The following OVCH2 variants were observed in gnomAD, a reference collection of about 807,000 sequenced individuals.
OVCH2 encodes the protein ovochymase 2.
Under a neutral mutation model 73.7 loss-of-function variants are expected in OVCH2, and 88 were observed. That is an observed-to-expected ratio of 1.19 (90% CI 1.01 to 1.43). The LOEUF (loss-of-function observed/expected upper bound fraction) is 1.43, where lower values mean the gene tolerates loss of function less well. Among genes scored for constraint, OVCH2 ranks in the 40% most tolerant of loss-of-function variants. The pLI is 0.00. For synonymous variants in OVCH2, 265 were observed against 234.5 expected, an observed-to-expected ratio of 1.13 and a Z score of -1.19; for missense variants, 706 against 674.5, an observed-to-expected ratio of 1.05 and a Z score of -0.52.
chr11:7,700,991 G>A (rs1856427339), intron 6 of OVCH2, among the ~76,000 whole-genome samples: 1 of 152,160 alleles, frequency 6.6e-6, no homozygotes, highest in Non-Finnish European at 1.5e-5. Flanking sequence ...GCTAAAAACA[G>A]ATTGTTTCCA....
rs1156489296 is a variant in OVCH2, at chr11:7,703,764, T to A, written c.224A>T (p.His75Leu). ...WQVSLKQRQK[H>L]ICGGSIVSPQ... The stretch of plus-strand genomic sequence containing the variant: ...TGAGACGATGCTTCCTCCACAAATA[T>A]GCTTCTGCCTTTGTTTCAGAGATAC... Residue 75 changes from histidine to leucine, a missense_variant, in exon 3 of 16, where the codon CAT (histidine) becomes CTT (leucine). By Grantham distance (99) the His-to-Leu change is moderately conservative. Coordinates refer to ENST00000533663, the MANE Select transcript of OVCH2 (RefSeq NM_198185.7). The A allele has an allele frequency of 1.2e-6, 2 of 1,609,590 alleles. No homozygotes were observed. Among genetic ancestry groups the A allele is most frequent in the Non-Finnish European group, 8.5e-7 (1 of 1,177,920 alleles).
Position 7,700,327 on chromosome 11 carries a change from C to A in OVCH2, c.870G>T (p.Val290=), listed in dbSNP as rs568999903. 2.0e-5 allele frequency: 32 copies of A among 1,613,874 alleles called. No individual in the cohort carries two copies. The South Asian group carries it at 3.3e-4, about 17-fold the overall frequency. ...GGATGTGTTCGTGGATCCAGGGAAG[C>A]ACTTTACTAATGTCTGTGAAGATCC... ...SPGIFTDISK[V]LPWIHEHIQT... Residue 290 remains valine (V), a synonymous_variant, in exon 7 of 16, where the codon GTG becomes GTT. Transcript: ENST00000533663.
At position 7,696,590 on chromosome 11, in the gene OVCH2, C is replaced by T; in HGVS notation, c.1017-1G>A. 1 of 1,614,016 alleles carries T rather than the reference C, an allele frequency of 6.2e-7. No individual in the cohort carries two copies. The highest frequency in any genetic ancestry group is 1.3e-5 in the African/African-American group (1 of 75,060). Reference sequence around the variant, plus strand: ...TACCAGCAGGGTCCAGACACACCGTCTGTAGGCAGATCATGGAGAGGGCGT... The same window carrying T: ...TACCAGCAGGGTCCAGACACACCGTTTGTAGGCAGATCATGGAGAGGGCGT... On this transcript the variant is annotated splice_acceptor_variant, in intron 9 of 15. Transcript: ENST00000533663. LOFTEE classifies it high-confidence loss of function.
At chr11:7,692,094 T>C in intron 12 of OVCH2, 99 bp from the exon 13 acceptor site, 1 of 821,884 alleles carries the variant, frequency 1.2e-6, no homozygotes, top group African/African-American at 1.7e-5. Flanking sequence ...TGTTCTGGAG[T>C]AAGACCTTAG....
rs1437758276 is a variant in OVCH2, at chr11:7,702,256, G to A, written c.364C>T (p.Leu122Phe). The change falls in exon 4 of 16, where the codon CTC (leucine) becomes TTC (phenylalanine). Residue 122 changes from leucine (L) to phenylalanine (F), a missense_variant. Transcript: ENST00000533663. ...TGTATGATGACAGTTTCAATAGTGA[G>A]AGTTTGCTCTCCTGGGTCTGTCTGG... Reference protein sequence around the residue: ...LSQTDPGEQTLTIETVIIHPH... With the variant: ...LSQTDPGEQTFTIETVIIHPH... 1 of 1,612,698 alleles carries A rather than the reference G, an allele frequency of 6.2e-7. No individual in the cohort carries two copies. Among genetic ancestry groups the A allele is most frequent in the African/African-American group, 1.3e-5 (1 of 74,876 alleles).
chr11:7,686,954 G>A (rs917965730), downstream of OVCH2, among the ~76,000 whole-genome samples: 7 of 152,100 alleles, frequency 4.6e-5, no homozygotes, highest in African/African-American at 7.2e-5. Flanking sequence ...AGCAGGAATC[G>A]TTGCCCGCAT....
rs1177048541 is a variant in OVCH2 at position 7,706,316 on chromosome 11, G to C, written c.79C>G (p.Leu27Val). 1 of 1,586,608 alleles carries C rather than the reference G, an allele frequency of 6.3e-7. No individual in the cohort carries two copies. The highest frequency in any genetic ancestry group is 2.3e-5 in the East Asian group (1 of 44,284). Residue 27 changes from leucine to valine, a missense_variant, in exon 1 of 16, where the codon CTC (leucine) becomes GTC (valine). Physicochemically the swap from Leu to Val is conservative, Grantham distance 32 (BLOSUM62 1). Coordinates refer to ENST00000533663, the MANE Select transcript of OVCH2 (RefSeq NM_198185.7). ...FERGKSATLS[L>V]PKAPSCGQSL... Reference sequence around the variant, plus strand: ...TTCATTTGAAACTTACCTTTGGGGAGCGAAAGAGTTGCAGATTTACCTCGT... The same window carrying C: ...TTCATTTGAAACTTACCTTTGGGGACCGAAAGAGTTGCAGATTTACCTCGT...
rs928454325 is a variant in OVCH2 at position 7,689,871 on chromosome 11, T to C, written c.*31+53A>G. ...AAATCCATATCACCTGCTTCTCCGGTTGAACCCTGGATTATACTCTGTGTG... is the reference window on the plus strand; with the variant it reads ...AAATCCATATCACCTGCTTCTCCGGCTGAACCCTGGATTATACTCTGTGTG... On this transcript the variant is annotated intron_variant, in intron 15 of 15. Transcript: ENST00000533663. 3.6e-6 allele frequency: 4 copies of C among 1,126,356 alleles called. No individual in the cohort carries two copies. In the African/African-American group the frequency reaches 4.7e-5, roughly 13 times the overall value. The allele number at this position is 1,126,356 out of a possible 1,614,324, so 69.8% of individuals were successfully genotyped here. A position where few individuals can be genotyped will look rare whatever the true frequency, so the allele number is the denominator to read the frequency against.
At chr11:7,692,808 G>A (rs930594262) in intron 12 of OVCH2, among the ~76,000 whole-genome samples, 1 of 151,992 alleles carries the variant, frequency 6.6e-6, no homozygotes, top group Non-Finnish European at 1.5e-5. Context: ...ATCAACCTAG[G>A]GTCACCAAGA....
intron 14 of OVCH2, among the ~76,000 whole-genome samples, chr11:7,690,446 C>A (rs879287087): frequency 2.6e-5 from 4 of 152,012 alleles, no homozygotes; most frequent in Non-Finnish European, 4.4e-5. Flanking sequence ...GCATTGTTTT[C>A]CCTTAGTAGG....
At chr11:7,679,968 C>A in the OVCH2 span, among the ~76,000 whole-genome samples, 1 of 152,230 alleles carries the variant, frequency 6.6e-6, no homozygotes, top group Non-Finnish European at 1.5e-5. Context: ...CTCCGTGACC[C>A]TTCCCATATG....
intron 2 of OVCH2, 51 bp downstream of exon 2, chr11:7,704,514 A>G (rs766557203): frequency 6.1e-5 from 77 of 1,261,894 alleles, no homozygotes; most frequent in Non-Finnish European, 8.5e-5. Flanking sequence ...AAATATCTAT[A>G]TCCATAATAT....
At chr11:7,684,996 T>C (rs73398721), downstream of OVCH2, among the ~76,000 whole-genome samples, 17,442 of 152,106 alleles carry the variant, frequency 0.11, 2,527 homozygotes, top group African/African-American at 0.34. Context: ...ACTGAAAAAA[T>C]AGTTTCATTA....
At chr11:7,701,090 C>G (rs776847986) in intron 6 of OVCH2, among the ~76,000 whole-genome samples, 29 of 152,140 alleles carry the variant, frequency 1.9e-4, no homozygotes, top group Non-Finnish European at 3.5e-4. Flanking sequence ...CTTCCTGCAG[C>G]CCCTCACCTG....
rs1315770660 is a variant in OVCH2 at position 7,701,419 on chromosome 11, C to A, written c.616G>T (p.Glu206Ter). The change falls in exon 6 of 16, where the codon GAG (glutamate) becomes TAG (stop). Residue 206 changes from glutamate to a stop codon, truncating the protein, a stop_gained. Coordinates refer to ENST00000533663, the MANE Select transcript of OVCH2 (RefSeq NM_198185.7). LOFTEE classifies it high-confidence loss of function. ...EVNLPILTWE[E>*]CVAALLTLKR... The stretch of plus-strand genomic sequence containing the variant: ...AGTGTTAACAGAGCTGCCACACACT[C>A]TTCCCAGGTCAAAATAGGCAGATTC... 1 of 1,612,758 alleles carries A rather than the reference C, an allele frequency of 6.2e-7. No individual in the cohort carries two copies. Among genetic ancestry groups the A allele is most frequent in the Non-Finnish European group, 8.5e-7 (1 of 1,179,486 alleles).
chr11:7,701,858 G>A (rs754970020), intron 4 of OVCH2, 47 bp from the exon 5 acceptor site: 42 of 1,496,046 alleles, frequency 2.8e-5, no homozygotes, highest in Non-Finnish European at 3.8e-5. Context: ...TGGAGGAGAG[G>A]ACACTATAAG....
intron 12 of OVCH2, 145 bp from the exon 13 acceptor site, chr11:7,692,140 G>C (rs1856235153): frequency 1.6e-6 from 1 of 616,494 alleles, no homozygotes; most frequent in Non-Finnish European, 2.9e-6. Flanking sequence ...GAGTGGGTCA[G>C]ATTACCAAGG....
chr11:7,705,818 G>A (rs1356427331), intron 1 of OVCH2, among the ~76,000 whole-genome samples: 5 of 152,126 alleles, frequency 3.3e-5, no homozygotes, highest in Non-Finnish European at 5.9e-5. Flanking sequence ...CTCAGGGTTG[G>A]CACAAGTCTG....
chr11:7,696,274 A>C (rs983668430), intron 10 of OVCH2, among the ~76,000 whole-genome samples, 191 bp downstream of exon 10: 2 of 152,110 alleles, frequency 1.3e-5, no homozygotes. Context: ...TTGGCAAGTA[A>C]ATTGCCCTGT....
Sources: allele counts gnomAD v4.1 joint callset (sites outside exome capture counted in the v4.1 genomes callset), GRCh38; gene constraint gnomAD v4.1.1; transcripts MANE v1.5; gene names NCBI Gene and HGNC (gene_info 2026-07-23, HGNC 2026-07-21).